Variants in RCC1 observed in about 807,000 individuals in gnomAD.
The protein encoded by RCC1 is regulator of chromosome condensation 1, also known as regulator of chromosome condensation.
Under a neutral mutation model 44.4 loss-of-function variants are expected in RCC1, and 11 were observed. The ratio of observed to expected loss-of-function variants is 0.25; its 90% CI spans 0.16 to 0.41. The LOEUF (loss-of-function observed/expected upper bound fraction) is 0.41. Among genes scored for constraint, RCC1 ranks in the 10% least tolerant of loss-of-function variants. The pLI, the probability that RCC1 is intolerant of heterozygous loss-of-function variation, is 1.00. For missense variants in RCC1, 386 were observed against 547.1 expected (o/e 0.71, Z 2.94); for synonymous variants, 213 against 216.5 (o/e 0.98, Z 0.14).
chr1:28,519,131 A>C (rs1422197315), intron 4 of RCC1, among the ~76,000 whole-genome samples: 2 of 152,070 alleles, frequency 1.3e-5, no homozygotes, highest in Non-Finnish European at 2.9e-5. Context: ...TGGGGTTTTG[A>C]AGGAACAGAG....
chr1:28,533,491 G>C (rs945939916), intron 7 of RCC1, among the ~76,000 whole-genome samples: 3 of 148,694 alleles, frequency 2.0e-5, no homozygotes, highest in African/African-American at 7.4e-5. Flanking sequence ...AAAGAAGTCC[G>C]GGCGCAGTAG....
intron 12 of RCC1, 140 bp from the exon 13 acceptor site, chr1:28,537,692 C>A: frequency 1.2e-6 from 1 of 801,940 alleles, no homozygotes. Flanking sequence ...CCCAACTTCC[C>A]TGAACTCCCA....
At chr1:28,533,845 C>CGTTTTTTTTTTTTT (rs1664356587) in intron 7 of RCC1, among the ~76,000 whole-genome samples, 1 of 46,870 alleles carries the variant, frequency 2.1e-5, no homozygotes, top group African/African-American at 8.1e-5. Flanking sequence ...CTTTTCTTTT[C>CGTTTTTTTTTTTTT]TTTTTTTTTT....
intron 4 of RCC1, among the ~76,000 whole-genome samples, chr1:28,521,125 G>C (rs923038937): frequency 6.6e-6 from 1 of 152,098 alleles, no homozygotes; most frequent in African/African-American, 2.4e-5. Flanking sequence ...ACCCAGAGCA[G>C]TGAGAGAAGT....
intron 5 of RCC1, chr1:28,530,562 G>C: frequency 6.2e-7 from 1 of 1,606,230 alleles, no homozygotes; most frequent in Non-Finnish European, 8.5e-7. Flanking sequence ...CCTGGCGCCC[G>C]CTCCTGCCAA....
chr1:28,533,714 G>A (rs1460089940), intron 7 of RCC1, among the ~76,000 whole-genome samples: 3 of 122,012 alleles, frequency 2.5e-5, no homozygotes, highest in African/African-American at 9.5e-5. Context: ...AGGTTGCAGT[G>A]AGCCGAGATC....
intron 7 of RCC1, 95 bp from the exon 8 acceptor site, chr1:28,534,955 C>A: frequency 1.1e-6 from 1 of 929,878 alleles, no homozygotes; most frequent in Non-Finnish European, 1.8e-6. Context: ...CTCCTGCCCA[C>A]TTCTCCATCC....
chr1:28,507,477 T>G (rs1295659365), intron 1 of RCC1: 1 of 518,914 alleles, frequency 1.9e-6, no homozygotes, highest in African/African-American at 1.9e-5. Context: ...ACGTTGGAAA[T>G]AAAGCTGGGC....
chr1:28,535,799 A>C, intron 9 of RCC1, 72 bp from the exon 10 acceptor site: 1 of 1,522,892 alleles, frequency 6.6e-7, no homozygotes, highest in Non-Finnish European at 9.0e-7. Flanking sequence ...AATGGAGGAG[A>C]ATTAAACTCG....
intron 4 of RCC1, among the ~76,000 whole-genome samples, chr1:28,523,607 T>C (rs1244403311): frequency 6.6e-6 from 1 of 152,168 alleles, no homozygotes. Flanking sequence ...TGTGTCTGAC[T>C]CCATTCCGGG....
At chr1:28,524,617 G>T (rs531787923) in intron 4 of RCC1, among the ~76,000 whole-genome samples, 1 of 152,190 alleles carries the variant, frequency 6.6e-6, no homozygotes, top group South Asian at 2.1e-4. Context: ...CAGCACTTTG[G>T]GAGTCCAAGG....
intron 4 of RCC1, chr1:28,527,324 C>T: frequency 1.9e-6 from 1 of 531,088 alleles, no homozygotes; most frequent in Non-Finnish European, 3.5e-6. Flanking sequence ...AATTTAGCCT[C>T]AGCCTCCCAG....
In RCC1 at chr1:28,506,538, AACTCTAAAGT is replaced by A. The variant is rs999602603; in HGVS notation, c.-262+457_-262+466del. 1.0e-4 allele frequency: 24 copies of A among 240,564 alleles called. No homozygotes were observed. In the Admixed American group the frequency reaches 1.3e-3, roughly 13 times the overall value. The allele number at this position is 240,564 out of a possible 1,614,324, so 14.9% of individuals were successfully genotyped here. Reference sequence around the variant, plus strand: ...GGGTGTCTTAGGCGGCATCGGTCCCAACTCTAAAGTACGCGTTAGACGGGCCTGGGCCAGA... The same window carrying A: ...GGGTGTCTTAGGCGGCATCGGTCCCAACGCGTTAGACGGGCCTGGGCCAGA... On this transcript the variant is annotated intron_variant, in intron 1 of 12. Coordinates refer to ENST00000683442, the MANE Select transcript of RCC1 (RefSeq NM_001381865.2).
At chr1:28,507,680 G>C (rs1220694586) in intron 1 of RCC1, 1 of 372,634 alleles carries the variant, frequency 2.7e-6, no homozygotes, top group Non-Finnish European at 5.1e-6. Context: ...CATTGCCTCT[G>C]CCTCCCGGGT....
chr1:28,535,520 C>A, intron 9 of RCC1, 140 bp downstream of exon 9: 1 of 1,356,026 alleles, frequency 7.4e-7, no homozygotes, highest in Non-Finnish European at 1.0e-6. Flanking sequence ...AGACAGACTG[C>A]TCTGGTAGTT....
At chr1:28,526,640 A>G in intron 4 of RCC1, 1 of 496,118 alleles carries the variant, frequency 2.0e-6, no homozygotes, top group Non-Finnish European at 3.7e-6. Context: ...TCACACCTGT[A>G]ATCCCAGCAC....
chr1:28,537,793 G>T, intron 12 of RCC1, 39 bp from the exon 13 acceptor site: 1 of 1,578,336 alleles, frequency 6.3e-7, no homozygotes, highest in South Asian at 1.2e-5. Context: ...GTGGGCTGGG[G>T]ATCCTGGAGA....
In RCC1 at chr1:28,508,073, C is replaced by T. The variant is rs527976594; in HGVS notation, c.-261-55C>T. 5.5e-5 allele frequency: 23 copies of T among 417,194 alleles called. No homozygotes were observed. In the East Asian group the frequency reaches 8.1e-4, roughly 15 times the overall value. The allele number at this position is 417,194 out of a possible 1,614,324, so 25.8% of individuals were successfully genotyped here. A position where few individuals can be genotyped will look rare whatever the true frequency, so the allele number is the denominator to read the frequency against. ...CCCCAGGCGATAGCATGAGGCCCCT[C>T]GTTGAAAAAGTTTAGGGTTTTGCTG... is the stretch of plus-strand genomic sequence containing the variant. On this transcript the variant is annotated intron_variant, in intron 1 of 12. Coordinates refer to ENST00000683442, the MANE Select transcript of RCC1 (RefSeq NM_001381865.2).
intron 4 of RCC1, among the ~76,000 whole-genome samples, chr1:28,522,187 G>A (rs2124632856): frequency 6.6e-6 from 1 of 152,342 alleles, no homozygotes; most frequent in Non-Finnish European, 1.5e-5. Flanking sequence ...AGTTCAGGAT[G>A]GAGGAGGGAT....
Sources: allele counts gnomAD v4.1 joint callset (sites outside exome capture counted in the v4.1 genomes callset), GRCh38; gene constraint gnomAD v4.1.1; transcripts MANE v1.5; gene names NCBI Gene and HGNC (gene_info 2026-07-23, HGNC 2026-07-21).